Variants in CUL3 observed in about 807,000 individuals in gnomAD.
CUL3 encodes cullin-3.
In CUL3, 19 loss-of-function variants were observed where a neutral mutation model predicts 89.1. The observed-to-expected ratio is 0.21, with a 90% CI of 0.15 to 0.31. The LOEUF is 0.31. CUL3 is among the 10% of genes least tolerant of loss of function. CUL3 has a pLI of 1.00. For synonymous variants in CUL3, 351 were observed against 308.4 expected, an observed-to-expected ratio of 1.14 and a Z score of -1.45; for missense variants, 469 against 942.3, an observed-to-expected ratio of 0.50 and a Z score of 6.58.
At chr2:224,533,900 C>A (rs1693783631) in intron 3 of CUL3, among the ~76,000 whole-genome samples, 1 of 152,158 alleles carries the variant, frequency 6.6e-6, no homozygotes, top group Non-Finnish European at 1.5e-5. Flanking sequence ...ATAGGCCTGA[C>A]TGAATTCACA....
intron 13 of CUL3, among the ~76,000 whole-genome samples, chr2:224,487,735 C>A (rs1236395514): frequency 6.6e-6 from 1 of 152,096 alleles, no homozygotes; most frequent in Non-Finnish European, 1.5e-5. Context: ...GGGACCTGAA[C>A]TCAGCTCTCG....
At chr2:224,545,307 G>A (rs1694253487) in intron 2 of CUL3, among the ~76,000 whole-genome samples, 1 of 151,840 alleles carries the variant, frequency 6.6e-6, no homozygotes, top group Non-Finnish European at 1.5e-5. Flanking sequence ...GATGGCAATA[G>A]TGATCAGAAA....
chr2:224,583,418 TTCTAAAC>T (rs2106329674), intron 1 of CUL3, among the ~76,000 whole-genome samples: 1 of 152,318 alleles, frequency 6.6e-6, no homozygotes, highest in East Asian at 1.9e-4. Flanking sequence ...TTCTAAGTAA[TTCTAAAC>T]TCTAAAGTGG....
intron 12 of CUL3, 102 bp from the exon 13 acceptor site, chr2:224,496,068 T>C (rs2106180881): frequency 7.7e-7 from 1 of 1,304,058 alleles, no homozygotes; most frequent in Non-Finnish European, 1.1e-6. Context: ...TCTCACTTTG[T>C]CATCCAGGCT....
chr2:224,523,395 AAAAACAC>A (rs1693342536), intron 3 of CUL3, among the ~76,000 whole-genome samples: 1 of 151,802 alleles, frequency 6.6e-6, no homozygotes, highest in Non-Finnish European at 1.5e-5. Context: ...TATAAAAAAA[AAAAACAC>A]AAAACACAAA....
intron 1 of CUL3, among the ~76,000 whole-genome samples, chr2:224,561,277 G>A (rs1049815856): frequency 6.6e-6 from 1 of 152,038 alleles, no homozygotes; most frequent in African/African-American, 2.4e-5. Context: ...TATGACTAAT[G>A]ACCCCTTTGT....
At chr2:224,513,465 A>G (rs1183125250) in intron 5 of CUL3, 59 bp downstream of exon 5, 1 of 1,141,678 alleles carries the variant, frequency 8.8e-7, no homozygotes, top group Non-Finnish European at 1.3e-6. Flanking sequence ...ATTAGTAACT[A>G]TATTAAATAA....
intron 1 of CUL3, chr2:224,562,842 G>A (rs1694945412): frequency 6.2e-6 from 1 of 160,688 alleles, no homozygotes; most frequent in South Asian, 1.8e-4. Flanking sequence ...TTAGTATACT[G>A]GTAGAGAACA....
rs976553851 is a variant in CUL3, at chr2:224,585,078, G to A, written c.-69C>T. ...CGACGCCGGTGTCACATTTAAGGCGGGCAGGCAGGCTAGGGGCGACGCTGG... is the reference window on the plus strand; with the variant it reads ...CGACGCCGGTGTCACATTTAAGGCGAGCAGGCAGGCTAGGGGCGACGCTGG... On this transcript the variant is annotated 5_prime_UTR_variant, in exon 1 of 16. Coordinates refer to ENST00000264414, the MANE Select transcript of CUL3 (RefSeq NM_003590.5). 6 of 1,330,566 alleles carry A rather than the reference G, an allele frequency of 4.5e-6. No individual in the cohort carries two copies. The highest frequency in any genetic ancestry group is 3.1e-5 in the African/African-American group (2 of 64,134). The allele number at this position is 1,330,566 out of a possible 1,614,324, so 82.4% of individuals were successfully genotyped here. A position where few individuals can be genotyped will look rare whatever the true frequency, so the allele number is the denominator to read the frequency against.
chr2:224,501,539 T>G (rs914945889), intron 10 of CUL3, among the ~76,000 whole-genome samples: 1 of 152,248 alleles, frequency 6.6e-6, no homozygotes, highest in African/African-American at 2.4e-5. Context: ...CTTACCTCAA[T>G]GATTTAGTAA....
intron 5 of CUL3, 59 bp downstream of exon 5, chr2:224,513,465 A>T: frequency 8.8e-7 from 1 of 1,141,676 alleles, no homozygotes; most frequent in Non-Finnish European, 1.3e-6. Flanking sequence ...ATTAGTAACT[A>T]TATTAAATAA....
At chr2:224,536,563 T>C (rs1246378213) in intron 2 of CUL3, among the ~76,000 whole-genome samples, 1 of 152,242 alleles carries the variant, frequency 6.6e-6, no homozygotes, top group Non-Finnish European at 1.5e-5. Flanking sequence ...GTGCTTGGTA[T>C]ATATAACACC....
rs369388682 is a variant in CUL3, at chr2:224,491,116, T to C, written c.1842+4716A>G. 2.1e-3 allele frequency among the ~76,000 whole-genome samples: 322 copies of C among 152,344 alleles called. 4 individuals carry two copies. The highest frequency in any genetic ancestry group is 7.0e-3 in the African/African-American group (290 of 41,572). ...AAGTAGTTTTGCCTAATCTTGTGCATTTTCTGGTCCAGATGAATTATGGAA... is the reference window on the plus strand; with the variant it reads ...AAGTAGTTTTGCCTAATCTTGTGCACTTTCTGGTCCAGATGAATTATGGAA... On this transcript the variant is annotated intron_variant, in intron 13 of 15. Coordinates refer to ENST00000264414, the MANE Select transcript of CUL3 (RefSeq NM_003590.5).
intron 13 of CUL3, among the ~76,000 whole-genome samples, chr2:224,489,639 G>A (rs1221720740): frequency 6.6e-6 from 1 of 152,134 alleles, no homozygotes; most frequent in East Asian, 1.9e-4. Context: ...TTGTGAAAAT[G>A]GCCATACTGC....
intron 9 of CUL3, 93 bp downstream of exon 9, chr2:224,503,559 A>C (rs1218045729): frequency 9.5e-7 from 1 of 1,053,642 alleles, no homozygotes; most frequent in Non-Finnish European, 1.3e-6. Flanking sequence ...AACACTTAAT[A>C]ATCTACCAAA....
chr2:224,516,017 G>A (rs1420047943), intron 3 of CUL3, among the ~76,000 whole-genome samples: 1 of 151,988 alleles, frequency 6.6e-6, no homozygotes, highest in African/African-American at 2.4e-5. Context: ...AATTCTCCAC[G>A]TGCAGTTCTT....
At chr2:224,563,486 T>C (rs1244959683) in intron 1 of CUL3, among the ~76,000 whole-genome samples, 9 of 152,196 alleles carry the variant, frequency 5.9e-5, no homozygotes, top group Non-Finnish European at 8.8e-5. Flanking sequence ...CTAATTTCTA[T>C]CAGATTTCCT....
At position 224,497,798 on chromosome 2, in the gene CUL3, C is replaced by G. The variant is rs1182553666; in HGVS notation, c.1662G>C (p.Met554Ile). 1 of 1,613,774 alleles carries G rather than the reference C, an allele frequency of 6.2e-7. No individual in the cohort carries two copies. Among genetic ancestry groups the G allele is most frequent in the Non-Finnish European group, 8.5e-7 (1 of 1,179,852 alleles). The change falls in exon 12 of 16, where the codon ATG becomes ATC. Residue 554 changes from methionine (M) to isoleucine (I), a missense_variant. Transcript: ENST00000264414. ...ATGTGGCATTGAGATCTGCAGAACC[C>G]ATATGATGCTGGAGTGTGAGCTGTC... ...SGRQLTLQHH[M>I]GSADLNATFY...
At chr2:224,526,585 C>CA (rs1166152595) in intron 3 of CUL3, among the ~76,000 whole-genome samples, 2,039 of 25,814 alleles carry the variant, frequency 0.079, 181 homozygotes, top group Admixed American at 0.12. Context: ...GACTCCGTCT[C>CA]AAAAAAAAAA....
Sources: allele counts gnomAD v4.1 joint callset (sites outside exome capture counted in the v4.1 genomes callset), GRCh38; gene constraint gnomAD v4.1.1; transcripts MANE v1.5; gene names NCBI Gene and HGNC (gene_info 2026-07-23, HGNC 2026-07-21).